ESRRG: variants seen among roughly 807,000 people sequenced by gnomAD.
ESRRG encodes estrogen-related receptor gamma.
Under a neutral mutation model 44.0 loss-of-function variants are expected in ESRRG, and 13 were observed. The observed-to-expected ratio is 0.30, with a 90% CI of 0.19 to 0.47. The LOEUF (loss-of-function observed/expected upper bound fraction) is 0.47. ESRRG is among the 20% of genes least tolerant of loss of function. The pLI is 1.00. For missense variants in ESRRG, 395 were observed against 580.6 expected (o/e 0.68, Z 3.29); for synonymous variants, 215 against 214.6 (o/e 1.00, Z -0.02).
intron 2 of ESRRG, among the ~76,000 whole-genome samples, chr1:216,878,539 C>A (rs2096392976): frequency 6.6e-6 from 1 of 152,180 alleles, no homozygotes; most frequent in South Asian, 2.1e-4. Context: ...GTTTTACCTT[C>A]CACATTTATC....
chr1:217,049,783 G>A (rs1416530), intron 1 of ESRRG, among the ~76,000 whole-genome samples: 33,707 of 152,056 alleles, frequency 0.22, 4,489 homozygotes, highest in Non-Finnish European at 0.31. Context: ...AGTGTCATTC[G>A]TGAGAAGTCA....
intron 3 of ESRRG, among the ~76,000 whole-genome samples, chr1:216,615,429 G>T (rs1364593691): frequency 2.0e-5 from 3 of 152,270 alleles, no homozygotes; most frequent in African/African-American, 7.2e-5. Context: ...TTAACGTAGG[G>T]CTTGTTTACA....
intron 2 of ESRRG, among the ~76,000 whole-genome samples, chr1:216,808,988 G>T (rs1348294721): frequency 2.0e-5 from 3 of 152,138 alleles, no homozygotes; most frequent in Middle Eastern, 6.8e-3. Context: ...AGGGAGAGAA[G>T]AAACTGTTAA....
chr1:216,974,641 T>C (rs548404472), intron 1 of ESRRG, among the ~76,000 whole-genome samples: 1 of 152,288 alleles, frequency 6.6e-6, no homozygotes, highest in East Asian at 1.9e-4. Context: ...GAAAGAGATA[T>C]GTTTGGTCAA....
intron 5 of ESRRG, among the ~76,000 whole-genome samples, chr1:216,536,577 AGGGGT>A (rs1015298037): frequency 8.5e-5 from 13 of 152,056 alleles, no homozygotes; most frequent in African/African-American, 3.1e-4. Flanking sequence ...TGTATTAATC[AGGGGT>A]CACCTCTTCC....
intron 2 of ESRRG, among the ~76,000 whole-genome samples, chr1:216,904,245 T>C (rs1204829894): frequency 6.6e-6 from 1 of 151,630 alleles, no homozygotes; most frequent in Non-Finnish European, 1.5e-5. Flanking sequence ...AATTTCTTAA[T>C]TCTCTAAACA....
Position 216,658,828 on chromosome 1 carries a change from G to T in ESRRG, c.473-7739C>A, listed in dbSNP as rs2071361529. Among the ~76,000 whole-genome samples, 3 of 143,090 alleles carry T rather than the reference G, an allele frequency of 2.1e-5. No individual in the cohort carries two copies. In the South Asian group the frequency reaches 6.6e-4, roughly 31 times the overall value. The allele number at this position is 143,090 out of a possible 152,430, so 93.9% of individuals were successfully genotyped here. A position where few individuals can be genotyped will look rare whatever the true frequency, so the allele number is the denominator to read the frequency against. On this transcript the variant is annotated intron_variant, in intron 2 of 6. Coordinates refer to ENST00000408911, the MANE Select transcript of ESRRG (RefSeq NM_001438.4). ...AGCCTGGGTGTGAAAGCAAGACTCTGTCTCCAAAAAAGAAAGTAAAAGAAG... is the reference window on the plus strand; with the variant it reads ...AGCCTGGGTGTGAAAGCAAGACTCTTTCTCCAAAAAAGAAAGTAAAAGAAG...
chr1:216,999,015 C>A (rs1459258918), intron 1 of ESRRG, among the ~76,000 whole-genome samples: 1 of 152,116 alleles, frequency 6.6e-6, no homozygotes, highest in Non-Finnish European at 1.5e-5. Flanking sequence ...ACAGCATGGT[C>A]CTATTTCTTG....
chr1:216,758,535 A>G (rs988752822), intron 2 of ESRRG, among the ~76,000 whole-genome samples: 1 of 149,634 alleles, frequency 6.7e-6, no homozygotes, highest in Non-Finnish European at 1.5e-5. Flanking sequence ...TGAGTCCAGA[A>G]TTTTTTTTTT....
chr1:216,694,773 T>A (rs1275351380), intron 1 of ESRRG, among the ~76,000 whole-genome samples: 1 of 152,044 alleles, frequency 6.6e-6, no homozygotes, highest in African/African-American at 2.4e-5. Context: ...CCCAGGCTGG[T>A]CCTGAACTCC....
chr1:217,126,989 A>G (rs1318553820), intron 1 of ESRRG, among the ~76,000 whole-genome samples: 1 of 152,216 alleles, frequency 6.6e-6, no homozygotes, highest in Non-Finnish European at 1.5e-5. Context: ...TTTTGTGCAT[A>G]AAATAAGGAA....
chr1:216,588,935 T>C (rs1319334510), intron 3 of ESRRG, among the ~76,000 whole-genome samples: 1 of 151,994 alleles, frequency 6.6e-6, no homozygotes. Context: ...AGCCACCAAG[T>C]GTGTATCATT....
At chr1:216,558,316 A>C (rs1051126070) in intron 5 of ESRRG, among the ~76,000 whole-genome samples, 4 of 152,156 alleles carry the variant, frequency 2.6e-5, no homozygotes, top group African/African-American at 9.7e-5. Context: ...TAAACTGGTA[A>C]ATTTTCAGTT....
chr1:216,714,675 TTTAACCTC>T, intron 1 of ESRRG: 1 of 392,288 alleles, frequency 2.5e-6, no homozygotes, highest in Non-Finnish European at 3.5e-6. Context: ...AATTTGAGTT[TTTAACCTC>T]TTATTATTTG....
intron 3 of ESRRG, among the ~76,000 whole-genome samples, chr1:216,572,784 G>A (rs2061043523): frequency 6.6e-6 from 1 of 151,988 alleles, no homozygotes; most frequent in African/African-American, 2.4e-5. Context: ...GCAAAGGACA[G>A]AAGTATTTAA....
chr1:217,084,138 A>C (rs2091935920), intron 1 of ESRRG, among the ~76,000 whole-genome samples: 1 of 151,682 alleles, frequency 6.6e-6, no homozygotes, highest in South Asian at 2.1e-4. Context: ...TGGATTAAAA[A>C]AAAAAAAAAC....
intron 1 of ESRRG, among the ~76,000 whole-genome samples, chr1:216,711,600 A>G (rs1415549916): frequency 6.6e-6 from 1 of 152,150 alleles, no homozygotes; most frequent in African/African-American, 2.4e-5. Context: ...AGCAGATGCA[A>G]ATTTTACATG....
rs369198902 is a variant in ESRRG, at chr1:216,730,230, GA to G, written c.-13-52740del. On this transcript the variant is annotated intron_variant, in intron 2 of 7. Transcript: ENST00000359162. Reference sequence around the variant, plus strand: ...GACACGTGTCCAGTAAAAGCCAAGGGAGTTCTGAACCTAAGAGATAAATATC... The same window carrying G: ...GACACGTGTCCAGTAAAAGCCAAGGGGTTCTGAACCTAAGAGATAAATATC... Among the ~76,000 whole-genome samples, 246 of 148,854 alleles carry G rather than the reference GA, an allele frequency of 1.7e-3. 3 individuals carry two copies. The highest frequency in any genetic ancestry group is 5.4e-3 in the African/African-American group (217 of 40,350).
intron 1 of ESRRG, among the ~76,000 whole-genome samples, chr1:216,968,597 C>A (rs1234173010): frequency 6.6e-6 from 1 of 151,940 alleles, no homozygotes; most frequent in Non-Finnish European, 1.5e-5. Context: ...AATCTACTTG[C>A]CTATTATTTT....
Sources: gnomAD v4.1 joint callset for allele counts (sites outside exome capture counted in the v4.1 genomes callset) on GRCh38, gnomAD v4.1.1 for gene constraint, MANE v1.5 for transcripts, NCBI Gene and HGNC (gene_info 2026-07-23, HGNC 2026-07-21) for gene names.